The following B3GALT1 variants were observed in gnomAD, a reference collection of about 807,000 sequenced individuals.
The protein encoded by B3GALT1 is UDP-Gal:betaGlcNAc beta 1,3-galactosyltransferase, polypeptide 1.
B3GALT1 carries 10 observed loss-of-function variants against 23.2 expected under a neutral mutation model. The observed-to-expected ratio is 0.43, with a 90% confidence interval of 0.27 to 0.73. The LOEUF is 0.73. Among genes scored for constraint, B3GALT1 ranks in the 30% least tolerant of loss-of-function variants. The pLI is 0.21. For missense variants in B3GALT1, 299 were observed against 405.4 expected (o/e 0.74, Z 2.25); for synonymous variants, 156 against 141.5 (o/e 1.10, Z -0.73).
chr2:167,446,761 G>C (rs1402646708), intron 1 of B3GALT1, among the ~76,000 whole-genome samples: 1 of 152,116 alleles, frequency 6.6e-6, no homozygotes, highest in Non-Finnish European at 1.5e-5. Flanking sequence ...TTAGCCATTT[G>C]TCTAATCTCT....
intron 2 of B3GALT1, among the ~76,000 whole-genome samples, chr2:167,646,277 GCCT>G (rs1313885831): frequency 2.0e-5 from 3 of 152,146 alleles, no homozygotes; most frequent in African/African-American, 7.2e-5. Context: ...GGAAGATAAG[GCCT>G]CCTTGATTTA....
chr2:167,339,665 A>T (rs1270982512), intron 1 of B3GALT1, among the ~76,000 whole-genome samples: 1 of 152,216 alleles, frequency 6.6e-6, no homozygotes. Flanking sequence ...TAACATAAGC[A>T]AATGAATGTT....
chr2:167,427,012 A>G (rs971034516), intron 1 of B3GALT1, among the ~76,000 whole-genome samples: 1 of 152,238 alleles, frequency 6.6e-6, no homozygotes, highest in Admixed American at 6.5e-5. Flanking sequence ...ATAGAGTAGA[A>G]TATTATATAG....
Position 167,624,395 on chromosome 2 carries a change from A to C in B3GALT1, c.-409-22514A>C, listed in dbSNP as rs529896025. 5.9e-5 allele frequency among the ~76,000 whole-genome samples: 9 copies of C among 152,224 alleles called. No homozygotes were observed. The South Asian group carries it at 1.9e-3, about 32-fold the overall frequency. On this transcript the variant is annotated intron_variant, in intron 2 of 4. Transcript: ENST00000392690. The stretch of plus-strand genomic sequence containing the variant: ...ACAGCATGGTGAAGAACAGGAAAGG[A>C]AATTGTAGCTAAACACTCATAGGAA...
intron 1 of B3GALT1, among the ~76,000 whole-genome samples, chr2:167,442,285 A>G (rs895927612): frequency 6.6e-6 from 1 of 152,052 alleles, no homozygotes; most frequent in South Asian, 2.1e-4. Context: ...TCATTGTTGG[A>G]CATTTGGGTT....
chr2:167,545,906 C>G (rs1266343247), intron 2 of B3GALT1, among the ~76,000 whole-genome samples: 10 of 152,158 alleles, frequency 6.6e-5, no homozygotes, highest in Admixed American at 6.5e-4. Flanking sequence ...AATGAGTTAT[C>G]TTGGGGATGG....
intron 1 of B3GALT1, among the ~76,000 whole-genome samples, chr2:167,322,384 T>C (rs1696827945): frequency 6.6e-6 from 1 of 151,708 alleles, no homozygotes; most frequent in Admixed American, 6.6e-5. Flanking sequence ...TTTATAATTA[T>C]TGAACATTTT....
intron 2 of B3GALT1, among the ~76,000 whole-genome samples, chr2:167,640,237 C>T (rs557445000): frequency 6.6e-6 from 1 of 152,198 alleles, no homozygotes; most frequent in African/African-American, 2.4e-5. Context: ...CTAAGGCTGT[C>T]ACCTCAACTA....
chr2:167,352,303 G>A (rs1176623070), intron 1 of B3GALT1, among the ~76,000 whole-genome samples: 4 of 142,226 alleles, frequency 2.8e-5, no homozygotes, highest in Non-Finnish European at 4.5e-5. Flanking sequence ...TAAGTCCTTC[G>A]CTATTTGCTT....
intron 4 of B3GALT1, among the ~76,000 whole-genome samples, chr2:167,844,661 G>A (rs2034258): frequency 0.43 from 65,675 of 152,042 alleles, 15,811 homozygotes; most frequent in East Asian, 0.67. Context: ...GAGGGCAGCC[G>A]GAGGAGCAGG....
chr2:167,674,159 A>G (rs1686383302), intron 3 of B3GALT1, among the ~76,000 whole-genome samples: 2 of 152,264 alleles, frequency 1.3e-5, no homozygotes, highest in South Asian at 4.1e-4. Flanking sequence ...GAGGAAATTT[A>G]TATTTGTATT....
intron 1 of B3GALT1, among the ~76,000 whole-genome samples, chr2:167,393,249 AAAAG>A (rs1366997118): frequency 1.3e-5 from 2 of 151,646 alleles, no homozygotes; most frequent in Non-Finnish European, 2.9e-5. Flanking sequence ...AAAAAAAAAA[AAAAG>A]AAATGTTTAT....
intron 3 of B3GALT1, among the ~76,000 whole-genome samples, chr2:167,790,260 A>G (rs1250270858): frequency 1.3e-5 from 2 of 152,020 alleles, no homozygotes; most frequent in East Asian, 3.9e-4. Context: ...CTTTTTCTGA[A>G]GCTTTGTTTC....
rs147813072 is a variant in B3GALT1 at position 167,324,280 on chromosome 2, TATA to T, written c.-511+30953_-511+30955del. ...TTTTATTAGCTTAATAGTTGAAATTTATAATAATATTTATTTAAAATTTTCCAG... is the reference window on the plus strand; with the variant it reads ...TTTTATTAGCTTAATAGTTGAAATTTATAATATTTATTTAAAATTTTCCAG... On this transcript the variant is annotated intron_variant, in intron 1 of 4. Transcript: ENST00000392690. 3.1e-3 allele frequency among the ~76,000 whole-genome samples: 473 copies of T among 152,110 alleles called. 18 individuals carry two copies. The East Asian group carries it at 0.063, about 20-fold the overall frequency.
At chr2:167,771,563 TC>T (rs1475441049) in intron 3 of B3GALT1, among the ~76,000 whole-genome samples, 2 of 152,218 alleles carry the variant, frequency 1.3e-5, no homozygotes, top group Non-Finnish European at 2.9e-5. Flanking sequence ...AGAGCGAGAC[TC>T]CGTCTCAAAA....
intron 1 of B3GALT1, among the ~76,000 whole-genome samples, chr2:167,303,642 C>CAT (rs1236813605): frequency 1.6e-5 from 1 of 64,480 alleles, no homozygotes; most frequent in Non-Finnish European, 4.0e-5. Flanking sequence ...GAAACACACA[C>CAT]ATACACACAC....
At chr2:167,667,224 G>C (rs1686215531) in intron 3 of B3GALT1, among the ~76,000 whole-genome samples, 1 of 151,996 alleles carries the variant, frequency 6.6e-6, no homozygotes, top group Non-Finnish European at 1.5e-5. Flanking sequence ...TAGTTTGGCT[G>C]GATGTGAAAT....
intron 1 of B3GALT1, among the ~76,000 whole-genome samples, chr2:167,422,670 A>G (rs1224780213): frequency 6.6e-6 from 1 of 152,124 alleles, no homozygotes; most frequent in Non-Finnish European, 1.5e-5. Flanking sequence ...CATGCCTGTA[A>G]AAGTGTAAAG....
intron 3 of B3GALT1, among the ~76,000 whole-genome samples, chr2:167,773,493 G>A (rs1403134590): frequency 6.6e-6 from 1 of 152,168 alleles, no homozygotes; most frequent in African/African-American, 2.4e-5. Context: ...CACACGTTAG[G>A]TTTGGGACCT....
Sources: gnomAD v4.1 joint callset for allele counts (sites outside exome capture counted in the v4.1 genomes callset) on GRCh38, gnomAD v4.1.1 for gene constraint, MANE v1.5 for transcripts, NCBI Gene and HGNC (gene_info 2026-07-23, HGNC 2026-07-21) for gene names.